The following AMER3 variants were observed in gnomAD, a reference collection of about 807,000 sequenced individuals.
AMER3 encodes the protein APC membrane recruitment protein 3.
For synonymous variants in AMER3, 541 were observed against 485.5 expected (o/e 1.11, Z -1.50); for missense variants, 1,201 against 1,139.4 (o/e 1.05, Z -0.78).
chr2:130,766,075 C>T lies in AMER3; in HGVS notation c.*1417C>T, dbSNP rs1379272214. On this transcript the variant is annotated 3_prime_UTR_variant, in exon 2 of 2. Transcript: ENST00000321420. Reference sequence around the variant, plus strand: ...TCCACCTAACATGATGCAACTATCCCGGGATTGTGATTTTTAAGACTTTAG... The same window carrying T: ...TCCACCTAACATGATGCAACTATCCTGGGATTGTGATTTTTAAGACTTTAG... 3 of 167,006 alleles carry T rather than the reference C, an allele frequency of 1.8e-5. No homozygotes were observed. Among genetic ancestry groups the T allele is most frequent in the Admixed American group, 6.5e-5 (1 of 15,282 alleles). 10.3% of individuals were successfully genotyped at this position (167,006 alleles called of 1,614,324 possible). A position where few individuals can be genotyped will look rare whatever the true frequency, so the allele number is the denominator to read the frequency against.
At position 130,766,422 on chromosome 2, in the gene AMER3, A is replaced by T. The variant is rs1678984268; in HGVS notation, c.*1764A>T. The T allele has an allele frequency of 6.0e-6, 1 of 167,016 alleles. No homozygotes were observed. Among genetic ancestry groups the T allele is most frequent in the Non-Finnish European group, 1.5e-5 (1 of 68,260 alleles). 10.3% of individuals were successfully genotyped at this position (167,016 alleles called of 1,614,324 possible). ...TGTGACCAGATCATTTATAAAGTAA[A>T]GAAGTTTATTTGGCTTGTAATTCTG... On this transcript the variant is annotated 3_prime_UTR_variant, in exon 2 of 2. Coordinates refer to ENST00000321420, the MANE Select transcript of AMER3 (RefSeq NM_152698.3).
rs1268706526 is a variant in AMER3 at position 130,766,222 on chromosome 2, G to A, written c.*1564G>A. 6.0e-6 allele frequency: 1 copy of A among 167,016 alleles called. No individual in the cohort carries two copies. The highest frequency in any genetic ancestry group is 1.9e-4 in the East Asian group (1 of 5,198). The allele number at this position is 167,016 out of a possible 1,614,324, so 10.3% of individuals were successfully genotyped here. ...ACTTGTGTGAGGACTGTGAGGCTCA[G>A]GGTGGGAGACGGGTGGGGGAGCCGA... On this transcript the variant is annotated 3_prime_UTR_variant, in exon 2 of 2. Coordinates refer to ENST00000321420, the MANE Select transcript of AMER3 (RefSeq NM_152698.3).
rs1271405073 is a variant in AMER3 at position 130,763,893 on chromosome 2, T to A, written c.1821T>A (p.Gly607=). 6.2e-7 allele frequency: 1 copy of A among 1,613,354 alleles called. No individual in the cohort carries two copies. Among genetic ancestry groups the A allele is most frequent in the African/African-American group, 1.3e-5 (1 of 74,910 alleles). The change falls in exon 2 of 2, where the codon GGT becomes GGA. Residue 607 remains glycine (G), a synonymous_variant. Coordinates refer to ENST00000321420, the MANE Select transcript of AMER3 (RefSeq NM_152698.3). ...RDASREEETR[G]HSEGLFSSME... is the part of the protein sequence containing the mutation. Reference sequence around the variant, plus strand: ...CCTCTCGAGAGGAAGAGACACGAGGTCACTCTGAAGGCTTGTTCTCCTCTA... The same window carrying A: ...CCTCTCGAGAGGAAGAGACACGAGGACACTCTGAAGGCTTGTTCTCCTCTA...
At position 130,762,666 on chromosome 2, in the gene AMER3, C is replaced by A; in HGVS notation, c.594C>A (p.Ser198Arg). The change falls in exon 2 of 2, where the codon AGC (serine) becomes AGA (arginine). Residue 198 changes from serine (S) to arginine (R), a missense_variant. Transcript: ENST00000321420. ...CGTCAGACCCTGGGGGGCGGCGAAG[C>A]AAAGCCTTCCTCCCCCCGGGTGAGG... ...GDPSDPGGRR[S>R]KAFLPPGEGP... 1.2e-6 allele frequency: 2 copies of A among 1,611,254 alleles called. No homozygotes were observed. The highest frequency in any genetic ancestry group is 1.7e-6 in the Non-Finnish European group (2 of 1,179,804).
At chr2:130,760,881 G>T (rs1165093901) in intron 1 of AMER3, among the ~76,000 whole-genome samples, 1 of 152,026 alleles carries the variant, frequency 6.6e-6, no homozygotes, top group Non-Finnish European at 1.5e-5. Flanking sequence ...CCCTCCTCGA[G>T]CTGTCCCACG....
rs1678865582 is a variant in AMER3, at chr2:130,763,435, A to C, written c.1363A>C (p.Thr455Pro). ...GAGTCTGTCAGGGCCGGCCCTGGGG[A>C]CGCCACTGTCCATATGCAGCTTCCG... ...SESLSGPALG[T>P]PLSICSFRVG... The change falls in exon 2 of 2, where the codon ACG (threonine) becomes CCG (proline). Residue 455 changes from threonine to proline, a missense_variant. By Grantham distance (38) the Thr-to-Pro change is conservative (BLOSUM62 -1). Transcript: ENST00000321420. The C allele has an allele frequency of 5.6e-6, 9 of 1,612,808 alleles. No individual in the cohort carries two copies. The East Asian group carries it at 1.8e-4, about 32-fold the overall frequency.
Position 130,762,864 on chromosome 2 carries a change from G to C in AMER3, c.792G>C (p.Glu264Asp), listed in dbSNP as rs1470403750. Reference sequence around the variant, plus strand: ...ATGAGAGCTCGGTGCCATCTCTGGAGCTGAACGAGGGCCCGGAGAGCCCAA... The same window carrying C: ...ATGAGAGCTCGGTGCCATCTCTGGACCTGAACGAGGGCCCGGAGAGCCCAA... Reference protein sequence around the residue: ...FADESSVPSLELNEGPESPTQ... With the variant: ...FADESSVPSLDLNEGPESPTQ... The change falls in exon 2 of 2, where the codon GAG becomes GAC. Residue 264 changes from glutamate to aspartate, a missense_variant. Coordinates refer to ENST00000321420, the MANE Select transcript of AMER3 (RefSeq NM_152698.3). 7 of 1,613,276 alleles carry C rather than the reference G, an allele frequency of 4.3e-6. No homozygotes were observed. The highest frequency in any genetic ancestry group is 5.9e-6 in the Non-Finnish European group (7 of 1,180,008).
chr2:130,761,975 TGA>T, intron 1 of AMER3, 77 bp from the exon 2 acceptor site: 1 of 1,327,954 alleles, frequency 7.5e-7, no homozygotes, highest in East Asian at 2.5e-5. Flanking sequence ...GTGAGCTGTG[TGA>T]GAGGGGTAGG....
chr2:130,758,729 G>T (rs1034897137), intron 1 of AMER3, among the ~76,000 whole-genome samples: 1 of 152,244 alleles, frequency 6.6e-6, no homozygotes, highest in Non-Finnish European at 1.5e-5. Flanking sequence ...CACCCGAAGG[G>T]TAGGGACGGG....
At position 130,762,303 on chromosome 2, in the gene AMER3, A is replaced by T. The variant is rs374790815; in HGVS notation, c.231A>T (p.Gly77=). 522 of 1,600,966 alleles carry T rather than the reference A, an allele frequency of 3.3e-4. 8 individuals carry two copies. In the South Asian group the frequency reaches 5.5e-3, roughly 17 times the overall value. ...GGGCGCAGCTGGACCCCAAAGGGGG[A>T]CCCGCAGCCCTCTGTGGAGCCACCT... is the stretch of plus-strand genomic sequence containing the variant. ...NKGAQLDPKG[G]PAALCGATFK... The change falls in exon 2 of 2, where the codon GGA becomes GGT. Residue 77 remains glycine (G), a synonymous_variant. Coordinates refer to ENST00000321420, the MANE Select transcript of AMER3 (RefSeq NM_152698.3).
chr2:130,763,412 G>A lies in AMER3; in HGVS notation c.1340G>A (p.Ser447Asn). The A allele has an allele frequency of 6.2e-7, 1 of 1,613,030 alleles. No homozygotes were observed. Among genetic ancestry groups the A allele is most frequent in the Admixed American group, 1.7e-5 (1 of 60,018 alleles). Reference protein sequence around the residue: ...SPDDDLCVSESLSGPALGTPL... With the variant: ...SPDDDLCVSENLSGPALGTPL... The stretch of plus-strand genomic sequence containing the variant: ...GATGATGACCTGTGCGTGTCTGAGA[G>A]TCTGTCAGGGCCGGCCCTGGGGACG... Residue 447 changes from serine to asparagine, a missense_variant, in exon 2 of 2, where the codon AGT (serine) becomes AAT (asparagine). Coordinates refer to ENST00000321420, the MANE Select transcript of AMER3 (RefSeq NM_152698.3).
intron 1 of AMER3, among the ~76,000 whole-genome samples, chr2:130,760,701 T>C (rs1574040609): frequency 1.3e-5 from 2 of 152,142 alleles, no homozygotes; most frequent in East Asian, 3.9e-4. Context: ...AGGAGCAGGC[T>C]GAGTCCAGGG....
chr2:130,759,998 C>T (rs1051903505), intron 1 of AMER3, among the ~76,000 whole-genome samples: 3 of 152,180 alleles, frequency 2.0e-5, no homozygotes, highest in Admixed American at 6.5e-5. Context: ...AGCAGAGCTT[C>T]GGAGGCCTTA....
At position 130,763,716 on chromosome 2, in the gene AMER3, G is replaced by A; in HGVS notation, c.1644G>A (p.Glu548=). Residue 548 remains glutamate (E), a synonymous_variant, in exon 2 of 2, where the codon GAG becomes GAA. Transcript: ENST00000321420. ...CCACAGAGAAGCTGGGGGGCAGGGAGGGCCTGGCCTCAGATGCAGGGGGGG... is the reference window on the plus strand; with the variant it reads ...CCACAGAGAAGCTGGGGGGCAGGGAAGGCCTGGCCTCAGATGCAGGGGGGG... ...RAPTEKLGGR[E]GLASDAGGAT... is the part of the protein sequence containing the mutation. 1 of 1,565,428 alleles carries A rather than the reference G, an allele frequency of 6.4e-7. No homozygotes were observed. The highest frequency in any genetic ancestry group is 1.2e-5 in the South Asian group (1 of 84,262).
Position 130,765,072 on chromosome 2 carries a change from ATACTC to A in AMER3, c.*417_*421del, listed in dbSNP as rs1678946690. On this transcript the variant is annotated 3_prime_UTR_variant, in exon 2 of 2. Transcript: ENST00000321420. The stretch of plus-strand genomic sequence containing the variant: ...GAGAATCCAAAATATTAAAATTACT[ATACTC>A]TAAAATCCGAAAATCACAATCCCAA... 1.2e-5 allele frequency: 2 copies of A among 172,530 alleles called. No homozygotes were observed. Among genetic ancestry groups the A allele is most frequent in the South Asian group, 4.1e-4 (2 of 4,904 alleles). The allele number at this position is 172,530 out of a possible 1,614,324, so 10.7% of individuals were successfully genotyped here.
intron 1 of AMER3, among the ~76,000 whole-genome samples, chr2:130,760,734 C>T (rs1380230422): frequency 6.6e-6 from 1 of 152,158 alleles, no homozygotes; most frequent in Non-Finnish European, 1.5e-5. Flanking sequence ...GTGAGGGGAA[C>T]AGAGGGGAGG....
chr2:130,767,831 G>C lies in AMER3; in HGVS notation c.*3173G>C, dbSNP rs1679027165. ...AGGGTGCTGGTGTGACTTGCCCACAGTTATTAGTGTGTGAGGTGATGGGTT... is the reference window on the plus strand; with the variant it reads ...AGGGTGCTGGTGTGACTTGCCCACACTTATTAGTGTGTGAGGTGATGGGTT... On this transcript the variant is annotated 3_prime_UTR_variant, in exon 2 of 2. Transcript: ENST00000321420. 1 of 167,208 alleles carries C rather than the reference G, an allele frequency of 6.0e-6. No homozygotes were observed. The highest frequency in any genetic ancestry group is 6.5e-5 in the Admixed American group (1 of 15,294). The allele number at this position is 167,208 out of a possible 1,614,324, so 10.4% of individuals were successfully genotyped here.
rs1246973146 is a variant in AMER3 at position 130,763,876 on chromosome 2, G to A, written c.1804G>A (p.Glu602Lys). The A allele has an allele frequency of 1.2e-6, 2 of 1,613,522 alleles. No homozygotes were observed. Among genetic ancestry groups the A allele is most frequent in the Admixed American group, 3.3e-5 (2 of 60,034 alleles). The change falls in exon 2 of 2, where the codon GAG becomes AAG. Residue 602 changes from glutamate (E) to lysine (K), a missense_variant. By Grantham distance (56) the Glu-to-Lys change is moderately conservative. Coordinates refer to ENST00000321420, the MANE Select transcript of AMER3 (RefSeq NM_152698.3). The stretch of plus-strand genomic sequence containing the variant: ...CACACTGTCCAGGGATGCCTCTCGA[G>A]AGGAAGAGACACGAGGTCACTCTGA... The part of the protein sequence containing the change: ...TGTLSRDASR[E>K]EETRGHSEGL...
Position 130,764,722 on chromosome 2 carries a change from C to A in AMER3, c.*64C>A. On this transcript the variant is annotated 3_prime_UTR_variant, in exon 2 of 2. Transcript: ENST00000321420. ...TGACCACTTTCAGGAGAGCCTAGGA[C>A]TCAAATCTCTATCTTTTGTCCCTGA... 1 of 1,442,976 alleles carries A rather than the reference C, an allele frequency of 6.9e-7. No individual in the cohort carries two copies. Among genetic ancestry groups the A allele is most frequent in the Non-Finnish European group, 9.2e-7 (1 of 1,082,248 alleles). 89.4% of individuals were successfully genotyped at this position (1,442,976 alleles called of 1,614,324 possible).
Sources: allele counts gnomAD v4.1 joint callset (sites outside exome capture counted in the v4.1 genomes callset), GRCh38; gene constraint gnomAD v4.1.1; transcripts MANE v1.5; gene names NCBI Gene and HGNC (gene_info 2026-07-23, HGNC 2026-07-21).